FRMD4A: variants seen among roughly 807,000 people sequenced by gnomAD.
FRMD4A encodes the protein FERM domain containing 4A.
FRMD4A carries 29 observed loss-of-function variants against 129.1 expected under a neutral mutation model. The observed-to-expected ratio is 0.22, with a 90% CI of 0.17 to 0.31. The LOEUF (loss-of-function observed/expected upper bound fraction) is 0.31, where lower values mean the gene tolerates loss of function less well. Among genes scored for constraint, FRMD4A ranks in the 10% least tolerant of loss-of-function variants. The pLI, the probability that FRMD4A is intolerant of heterozygous loss-of-function variation, is 1.00. For missense variants in FRMD4A, 1,272 were observed against 1,375.8 expected (o/e 0.92, Z 1.19); for synonymous variants, 634 against 571.6 (o/e 1.11, Z -1.56).
intron 2 of FRMD4A, among the ~76,000 whole-genome samples, chr10:14,031,809 G>C (rs1344806482): frequency 6.6e-6 from 1 of 152,080 alleles, no homozygotes; most frequent in East Asian, 1.9e-4. Flanking sequence ...AATCCAGGAA[G>C]TCTGCTGGTT....
At chr10:13,915,152 G>A (rs531795050) in intron 2 of FRMD4A, among the ~76,000 whole-genome samples, 1 of 152,324 alleles carries the variant, frequency 6.6e-6, no homozygotes, top group Non-Finnish European at 1.5e-5. Context: ...TAAGACAGAT[G>A]TTTGCAAATT....
intron 2 of FRMD4A, among the ~76,000 whole-genome samples, chr10:14,067,215 C>A (rs1191341831): frequency 6.6e-6 from 1 of 151,862 alleles, no homozygotes; most frequent in Non-Finnish European, 1.5e-5. Context: ...ACTCGGGAGG[C>A]TGAGGCAGGA....
chr10:14,290,053 G>A (rs1465141689), intron 2 of FRMD4A, among the ~76,000 whole-genome samples: 1 of 151,992 alleles, frequency 6.6e-6, no homozygotes, highest in Non-Finnish European at 1.5e-5. Flanking sequence ...TAACTAAAGA[G>A]ATGAAAGACT....
chr10:13,673,151 A>C (rs2083658845), intron 16 of FRMD4A, among the ~76,000 whole-genome samples: 1 of 152,212 alleles, frequency 6.6e-6, no homozygotes, highest in Non-Finnish European at 1.5e-5. Flanking sequence ...GCAGACACCC[A>C]AACTCATATT....
chr10:13,690,341 C>T (rs1240584354), intron 15 of FRMD4A, among the ~76,000 whole-genome samples: 1 of 152,220 alleles, frequency 6.6e-6, no homozygotes, highest in Admixed American at 6.5e-5. Flanking sequence ...TTCCAGATGG[C>T]GCTGCCAATG....
At chr10:14,240,341 G>A (rs1451588459) in intron 2 of FRMD4A, among the ~76,000 whole-genome samples, 2 of 152,146 alleles carry the variant, frequency 1.3e-5, no homozygotes, top group East Asian at 3.9e-4. Context: ...CCCGGTGTGT[G>A]CGTGACATTT....
rs56829972 is a variant in FRMD4A, at chr10:13,737,940, CAA to C, written c.673-12_673-11del. The C allele has an allele frequency of 1.3e-6, 2 of 1,542,938 alleles. No individual in the cohort carries two copies. The highest frequency in any genetic ancestry group is 1.7e-5 in the Admixed American group (1 of 59,646). ...GTATGCCCTGCTTGTCCTAGGATAT[CAA>C]AAAAAGTTTGGGTGAATATGGGACT... is the stretch of plus-strand genomic sequence containing the variant. On this transcript the variant is annotated splice_polypyrimidine_tract_variant and intron_variant, in intron 11 of 24. Transcript: ENST00000357447.
At chr10:13,968,719 G>A (rs1488769230) in intron 2 of FRMD4A, among the ~76,000 whole-genome samples, 3 of 152,236 alleles carry the variant, frequency 2.0e-5, no homozygotes, top group African/African-American at 4.8e-5. Context: ...CTCCCAAAGT[G>A]CTAGGATTAC....
intron 2 of FRMD4A, among the ~76,000 whole-genome samples, chr10:14,153,997 C>T (rs1218883929): frequency 6.6e-6 from 1 of 152,070 alleles, no homozygotes; most frequent in African/African-American, 2.4e-5. Context: ...GTCGCGGCTT[C>T]CTGCTGTCAC....
At chr10:14,172,531 G>A (rs996190639) in intron 2 of FRMD4A, among the ~76,000 whole-genome samples, 2 of 152,176 alleles carry the variant, frequency 1.3e-5, no homozygotes, top group Non-Finnish European at 2.9e-5. Flanking sequence ...TTGTACTCGC[G>A]TGAGGTTAGG....
Position 13,701,495 on chromosome 10 carries a change from C to G in FRMD4A, c.837-17G>C, listed in dbSNP as rs1164408549. ...ACTGAAGCCCTGGGGAAGCAAGAAT[C>G]ACAAGGTTCAATCCCATTTCTGTTG... On this transcript the variant is annotated splice_polypyrimidine_tract_variant and intron_variant, in intron 13 of 24. Transcript: ENST00000357447. The G allele has an allele frequency of 6.2e-7, 1 of 1,609,964 alleles. No homozygotes were observed. Among genetic ancestry groups the G allele is most frequent in the East Asian group, 2.2e-5 (1 of 44,826 alleles).
intron 3 of FRMD4A, among the ~76,000 whole-genome samples, chr10:13,852,240 A>G (rs543770870): frequency 6.6e-6 from 1 of 152,078 alleles, no homozygotes; most frequent in Admixed American, 6.5e-5. Flanking sequence ...AGCCCAATAT[A>G]AGATTTTAAT....
At chr10:14,110,939 C>T (rs1183608144) in intron 2 of FRMD4A, among the ~76,000 whole-genome samples, 1 of 152,160 alleles carries the variant, frequency 6.6e-6, no homozygotes, top group Non-Finnish European at 1.5e-5. Context: ...TCAAGCTATC[C>T]TGCCTCAGCC....
chr10:13,812,700 A>C (rs529462642), intron 3 of FRMD4A, among the ~76,000 whole-genome samples: 3 of 152,176 alleles, frequency 2.0e-5, no homozygotes, highest in Non-Finnish European at 4.4e-5. Context: ...GGCCTAGATG[A>C]CCATCAATTC....
intron 3 of FRMD4A, among the ~76,000 whole-genome samples, chr10:13,855,945 T>C (rs2094205634): frequency 2.0e-5 from 3 of 152,062 alleles, no homozygotes; most frequent in African/African-American, 7.2e-5. Context: ...CATTCTGCAA[T>C]TAATTTAGAA....
chr10:13,944,140 C>G (rs1022920717), intron 2 of FRMD4A, among the ~76,000 whole-genome samples: 1 of 152,212 alleles, frequency 6.6e-6, no homozygotes, highest in Non-Finnish European at 1.5e-5. Flanking sequence ...TCCCCAACCC[C>G]TGGGCCACAG....
intron 2 of FRMD4A, among the ~76,000 whole-genome samples, chr10:14,240,181 C>T (rs1006283905): frequency 1.3e-5 from 2 of 152,196 alleles, no homozygotes; most frequent in African/African-American, 4.8e-5. Flanking sequence ...CCCTCCGAAA[C>T]TTCTCCTAAT....
intron 2 of FRMD4A, among the ~76,000 whole-genome samples, chr10:14,112,125 G>A (rs1469821626): frequency 6.6e-6 from 1 of 152,146 alleles, no homozygotes; most frequent in East Asian, 1.9e-4. Context: ...TTTGAGAAAC[G>A]GTGAGCAGAC....
chr10:13,927,544 G>C (rs2095147526), intron 2 of FRMD4A, among the ~76,000 whole-genome samples: 1 of 152,194 alleles, frequency 6.6e-6, no homozygotes, highest in Non-Finnish European at 1.5e-5. Flanking sequence ...CAGGGTACAA[G>C]TTCTACAAGG....
Sources: gnomAD v4.1 joint callset for allele counts (sites outside exome capture counted in the v4.1 genomes callset) on GRCh38, gnomAD v4.1.1 for gene constraint, MANE v1.5 for transcripts, NCBI Gene and HGNC (gene_info 2026-07-23, HGNC 2026-07-21) for gene names.